Variants in PTPRN2 observed in about 807,000 individuals in gnomAD.
The protein encoded by PTPRN2 is receptor-type tyrosine-protein phosphatase N2.
In PTPRN2, 74 loss-of-function variants were observed where a neutral mutation model predicts 118.8. The ratio of observed to expected loss-of-function variants is 0.62; its 90% CI spans 0.52 to 0.76. PTPRN2 has a LOEUF of 0.76. Ranked by LOEUF, PTPRN2 falls within the 30% of genes least tolerant of loss-of-function variation. PTPRN2 has a pLI of 0.00. For synonymous variants in PTPRN2, 641 were observed against 608.0 expected (o/e 1.05, Z -0.80); for missense variants, 1,481 against 1,394.4 (o/e 1.06, Z -0.99).
At chr7:158,494,218 T>C (rs915788873) in intron 1 of PTPRN2, among the ~76,000 whole-genome samples, 2 of 152,230 alleles carry the variant, frequency 1.3e-5, no homozygotes, top group Non-Finnish European at 2.9e-5. Context: ...CTGTACCACA[T>C]GCACCTGCTC....
At chr7:157,899,781 T>C (rs976531750) in intron 11 of PTPRN2, among the ~76,000 whole-genome samples, 1 of 152,156 alleles carries the variant, frequency 6.6e-6, no homozygotes, top group Non-Finnish European at 1.5e-5. Context: ...CATACTATTT[T>C]CTACATATAA....
At chr7:158,054,799 G>A (rs1383735666) in intron 11 of PTPRN2, among the ~76,000 whole-genome samples, 1 of 152,226 alleles carries the variant, frequency 6.6e-6, no homozygotes, top group Non-Finnish European at 1.5e-5. Flanking sequence ...ATGTGCCTGG[G>A]GGCGCGGGCA....
chr7:158,533,218 C>A (rs958033994), intron 1 of PTPRN2, among the ~76,000 whole-genome samples: 5 of 152,208 alleles, frequency 3.3e-5, no homozygotes, highest in Non-Finnish European at 7.3e-5. Flanking sequence ...GTCCTAATTA[C>A]AGCAACATCA....
At chr7:158,395,778 CGCGAGGGGCGAGGGGT>C (rs1812424653) in intron 2 of PTPRN2, among the ~76,000 whole-genome samples, 1 of 16,136 alleles carries the variant, frequency 6.2e-5, no homozygotes, top group Non-Finnish European at 1.2e-4. Context: ...AGGGGTGAGG[CGCGAGGGGCGAGGGGT>C]GAGGCGCGAG....
At chr7:158,037,373 A>G (rs1483881605) in intron 11 of PTPRN2, among the ~76,000 whole-genome samples, 2 of 152,196 alleles carry the variant, frequency 1.3e-5, no homozygotes, top group Admixed American at 1.3e-4. Context: ...CCAACATCAC[A>G]GAGTGCACTT....
At chr7:157,731,585 TCCACC>T (rs1799919932) in intron 12 of PTPRN2, among the ~76,000 whole-genome samples, 501 of 43,408 alleles carry the variant, frequency 0.012, 9 homozygotes, top group Admixed American at 0.026. Context: ...GTTACTCTTT[TCCACC>T]CCATGCGCCC....
intron 10 of PTPRN2, among the ~76,000 whole-genome samples, chr7:158,091,827 A>T (rs78995201): frequency 8.1e-5 from 2 of 24,716 alleles, no homozygotes; most frequent in African/African-American, 2.2e-4. Flanking sequence ...TGGTTGGGTG[A>T]GTGGATGGGT....
chr7:157,580,490 A>G (rs1033126491), intron 17 of PTPRN2, among the ~76,000 whole-genome samples: 3 of 148,378 alleles, frequency 2.0e-5, no homozygotes, highest in African/African-American at 5.0e-5. Context: ...TGCACACCAC[A>G]GCACCTGCAC....
At chr7:158,441,612 AGTG>A (rs796173256) in intron 2 of PTPRN2, among the ~76,000 whole-genome samples, 6 of 132,410 alleles carry the variant, frequency 4.5e-5, no homozygotes, top group Non-Finnish European at 6.4e-5. Flanking sequence ...TGGTGATGGC[AGTG>A]GTGGTGGTGG....
At position 157,615,983 on chromosome 7, in the gene PTPRN2, A is replaced by T. The variant is rs1443805819; in HGVS notation, c.2344+5379T>A. The T allele has an allele frequency of 1.3e-5, 3 of 236,340 alleles. No homozygotes were observed. Among genetic ancestry groups the T allele is most frequent in the Non-Finnish European group, 2.5e-5 (3 of 118,870 alleles). The allele number at this position is 236,340 out of a possible 1,614,324, so 14.6% of individuals were successfully genotyped here. On this transcript the variant is annotated intron_variant, in intron 15 of 22. Coordinates refer to ENST00000389418, the MANE Select transcript of PTPRN2 (RefSeq NM_002847.5). This position sits in a 1 kb window ranked among gnomAD's most constrained non-coding sequence, Gnocchi z 4.3. ...AAGTGGGAGGCCTGATCCAGGAAGA[A>T]GCACACCGTGGCCTGGGGCCCCTCT...
intron 3 of PTPRN2, among the ~76,000 whole-genome samples, chr7:158,282,928 T>C (rs10237246): frequency 0.96 from 144,773 of 151,016 alleles, 69,439 homozygotes; most frequent in African/African-American, 0.99. Context: ...CAGCGGGATA[T>C]AGACGGTGGT....
At chr7:157,704,618 C>T (rs774181434) in intron 12 of PTPRN2, among the ~76,000 whole-genome samples, 3 of 152,130 alleles carry the variant, frequency 2.0e-5, no homozygotes, top group Admixed American at 6.5e-5. Flanking sequence ...TCTGGGCACA[C>T]GTGGAGGGAG....
intron 5 of PTPRN2, 40 bp downstream of exon 5, chr7:158,192,287 A>C: frequency 7.0e-7 from 1 of 1,435,886 alleles, no homozygotes; most frequent in East Asian, 2.8e-5. Context: ...ACCCTGAAGG[A>C]AAAGCCAACC....
chr7:158,294,842 C>T (rs1367877203), intron 3 of PTPRN2, among the ~76,000 whole-genome samples: 7 of 145,044 alleles, frequency 4.8e-5, no homozygotes, highest in African/African-American at 1.5e-4. Context: ...TGCACCACAT[C>T]GTGGTTCACC....
intron 3 of PTPRN2, among the ~76,000 whole-genome samples, chr7:158,253,586 A>G (rs1465575423): frequency 2.0e-5 from 3 of 152,158 alleles, no homozygotes; most frequent in Admixed American, 6.5e-5. Context: ...CGCGCCCCAC[A>G]GGAATCTGTC....
Position 158,090,123 on chromosome 7 carries a change from G to C in PTPRN2, c.1644-8746C>G, listed in dbSNP as rs1160152114. Among the ~76,000 whole-genome samples, 2 of 144,016 alleles carry C rather than the reference G, an allele frequency of 1.4e-5. 1 individual carries two copies. Among genetic ancestry groups the C allele is most frequent in the Non-Finnish European group, 3.0e-5 (2 of 66,034 alleles). The allele number at this position is 144,016 out of a possible 152,430, so 94.5% of individuals were successfully genotyped here. On this transcript the variant is annotated intron_variant, in intron 10 of 22. Coordinates refer to ENST00000389418, the MANE Select transcript of PTPRN2 (RefSeq NM_002847.5). Reference sequence around the variant, plus strand: ...ACATCCTTCTTCCCCTGACAAAAGAGGGAGTCTTCACACACATCCTTCTTC... The same window carrying C: ...ACATCCTTCTTCCCCTGACAAAAGACGGAGTCTTCACACACATCCTTCTTC...
At chr7:157,774,356 A>G (rs1228095306) in intron 12 of PTPRN2, among the ~76,000 whole-genome samples, 1 of 152,240 alleles carries the variant, frequency 6.6e-6, no homozygotes, top group Non-Finnish European at 1.5e-5. Context: ...CCAAGTAAAA[A>G]TGGCTATGCA....
In PTPRN2 at chr7:157,990,677, A is replaced by G. The variant is rs899000222; in HGVS notation, c.1723+90621T>C. On this transcript the variant is annotated intron_variant, in intron 11 of 22. Transcript: ENST00000389418. The surrounding 1 kb of genome is among the most constrained non-coding windows in gnomAD (Gnocchi z 4.3). Reference sequence around the variant, plus strand: ...GTCCCCTTCCCAGTGAAGTCCCAGGAAACAGCCTCTCATGTTGCTGGGCCG... The same window carrying G: ...GTCCCCTTCCCAGTGAAGTCCCAGGGAACAGCCTCTCATGTTGCTGGGCCG... Among the ~76,000 whole-genome samples, 12 of 152,172 alleles carry G rather than the reference A, an allele frequency of 7.9e-5. No individual in the cohort carries two copies. Among genetic ancestry groups the G allele is most frequent in the African/African-American group, 2.9e-4 (12 of 41,438 alleles).
chr7:158,347,495 G>C (rs952882962), intron 2 of PTPRN2, among the ~76,000 whole-genome samples: 48 of 152,056 alleles, frequency 3.2e-4, no homozygotes, highest in Non-Finnish European at 6.5e-4. Flanking sequence ...ACGTTGTTTT[G>C]GTTATTATAG....
Sources: gnomAD v4.1 joint callset for allele counts (sites outside exome capture counted in the v4.1 genomes callset) on GRCh38, gnomAD v4.1.1 for gene constraint, Gnocchi (gnomAD v3.1) non-coding constraint, MANE v1.5 for transcripts, NCBI Gene and HGNC (gene_info 2026-07-23, HGNC 2026-07-21) for gene names.